The following NRXN3 variants were observed in gnomAD, a reference collection of about 807,000 sequenced individuals.
NRXN3 encodes neurexin III.
NRXN3 carries 32 observed loss-of-function variants against 137.6 expected under a neutral mutation model. The ratio of observed to expected loss-of-function variants is 0.23; its 90% CI spans 0.18 to 0.31. NRXN3 has a LOEUF of 0.31. Among genes scored for constraint, NRXN3 ranks in the 10% least tolerant of loss-of-function variants. The pLI, the probability that NRXN3 is intolerant of heterozygous loss-of-function variation, is 1.00. For missense variants in NRXN3, 1,574 were observed against 2,062.5 expected (o/e 0.76, Z 4.59); for synonymous variants, 798 against 784.5 (o/e 1.02, Z -0.29).
intron 15 of NRXN3, among the ~76,000 whole-genome samples, chr14:79,303,800 A>G (rs1226851761): frequency 6.6e-6 from 1 of 152,078 alleles, no homozygotes; most frequent in Non-Finnish European, 1.5e-5. Flanking sequence ...TACAAAAGGC[A>G]AAGAGGGCTG....
chr14:79,074,538 CT>C (rs1219873611), intron 15 of NRXN3: 5 of 152,188 alleles, frequency 3.3e-5, no homozygotes, highest in African/African-American at 1.2e-4. Context: ...GAGGCTTCTC[CT>C]TTACTTACCA....
intron 4 of NRXN3, among the ~76,000 whole-genome samples, chr14:78,435,377 T>G (rs906918837): frequency 1.3e-5 from 2 of 152,156 alleles, no homozygotes; most frequent in African/African-American, 4.8e-5. Flanking sequence ...GATTGTTACC[T>G]TCATTTCACA....
intron 16 of NRXN3, among the ~76,000 whole-genome samples, chr14:79,560,504 C>CTTTTTT (rs34025659): frequency 0.016 from 706 of 43,738 alleles, 165 homozygotes; most frequent in African/African-American, 0.046. Context: ...AGATTGTAAG[C>CTTTTTT]TTTTTTTTTT....
chr14:79,604,018 G>A (rs775000312), intron 16 of NRXN3, among the ~76,000 whole-genome samples: 1 of 151,982 alleles, frequency 6.6e-6, no homozygotes, highest in African/African-American at 2.4e-5. Context: ...CTCCCGAGTG[G>A]CTGGAATTAC....
chr14:78,643,995 G>C (rs1381813410), intron 4 of NRXN3, among the ~76,000 whole-genome samples: 1 of 152,008 alleles, frequency 6.6e-6, no homozygotes, highest in African/African-American at 2.4e-5. Flanking sequence ...ACAAAAGTTA[G>C]TCGGGCGTGT....
intron 15 of NRXN3, among the ~76,000 whole-genome samples, chr14:79,412,731 C>CGA (rs1265709713): frequency 3.0e-5 from 4 of 132,288 alleles, no homozygotes; most frequent in African/African-American, 1.1e-4. Context: ...TGTAATGAGC[C>CGA]GAGATCACAC....
intron 4 of NRXN3, among the ~76,000 whole-genome samples, chr14:78,502,209 G>A (rs1022791125): frequency 1.3e-5 from 2 of 152,158 alleles, no homozygotes; most frequent in Non-Finnish European, 2.9e-5. Flanking sequence ...CACGTGAACA[G>A]TATTTCCCAG....
chr14:79,617,786 G>A (rs904896641), intron 16 of NRXN3, among the ~76,000 whole-genome samples: 3 of 152,042 alleles, frequency 2.0e-5, no homozygotes, highest in African/African-American at 4.8e-5. Context: ...TGTTTACTGA[G>A]TGCAGGTTAG....
chr14:78,839,613 G>A (rs995659559), intron 10 of NRXN3, among the ~76,000 whole-genome samples: 33 of 152,168 alleles, frequency 2.2e-4, no homozygotes, highest in African/African-American at 7.2e-4. Context: ...CTCTTCGAGT[G>A]AGATAAGGGA....
At chr14:78,760,034 C>CTTT (rs61320632) in intron 8 of NRXN3, among the ~76,000 whole-genome samples, 1,247 of 86,636 alleles carry the variant, frequency 0.014, 59 homozygotes, top group African/African-American at 0.045. Flanking sequence ...AGCCTGCAGT[C>CTTT]TTTTTTTTTT....
Position 79,862,977 on chromosome 14 carries a change from G to A in NRXN3, c.*1013G>A, listed in dbSNP as rs974674445. 1 of 152,570 alleles carries A rather than the reference G, an allele frequency of 6.6e-6. No homozygotes were observed. The highest frequency in any genetic ancestry group is 1.5e-5 in the Non-Finnish European group (1 of 68,038). The allele number at this position is 152,570 out of a possible 1,614,324, so 9.5% of individuals were successfully genotyped here. ...AGCCTTTCCTAGGGAAGAGGAAGGG[G>A]AGGTGGGCTGGATCTGTGACTGATT... On this transcript the variant is annotated 3_prime_UTR_variant, in exon 21 of 21. Transcript: ENST00000335750.
chr14:79,847,770 A>G (rs1223246317), intron 20 of NRXN3, among the ~76,000 whole-genome samples: 2 of 152,196 alleles, frequency 1.3e-5, no homozygotes, highest in Non-Finnish European at 2.9e-5. Context: ...TAAGATGAGG[A>G]CATAAAGGAA....
In NRXN3 at chr14:79,759,988, A is replaced by G. The variant is rs371187214; in HGVS notation, c.4015-45124A>G. ...ATTCTGTGTTACATGACTAAGATGC[A>G]TATTAGAACTCAGGCAAGATGATTC... On this transcript the variant is annotated intron_variant, in intron 19 of 20. Coordinates refer to ENST00000335750, the MANE Select transcript of NRXN3 (RefSeq NM_001330195.2). Among the ~76,000 whole-genome samples, 715 of 151,868 alleles carry G rather than the reference A, an allele frequency of 4.7e-3. 41 individuals are homozygous for G. In the South Asian group the frequency reaches 0.13, roughly 28 times the overall value.
At chr14:79,717,650 G>A (rs1029980563) in intron 19 of NRXN3, among the ~76,000 whole-genome samples, 2 of 152,104 alleles carry the variant, frequency 1.3e-5, no homozygotes, top group African/African-American at 4.8e-5. Context: ...ATAATGCTCC[G>A]TGGGCTCTTT....
chr14:78,695,957 T>C (rs563774526), intron 6 of NRXN3, among the ~76,000 whole-genome samples: 32 of 152,166 alleles, frequency 2.1e-4, no homozygotes, highest in African/African-American at 7.0e-4. Context: ...TCATGTCTTT[T>C]CCACCTCTTT....
At chr14:79,700,357 T>C (rs2098750390) in intron 19 of NRXN3, among the ~76,000 whole-genome samples, 1 of 152,038 alleles carries the variant, frequency 6.6e-6, no homozygotes, top group African/African-American at 2.4e-5. Context: ...GATTTCATAT[T>C]CACCGGGCCC....
intron 4 of NRXN3, among the ~76,000 whole-genome samples, chr14:78,492,083 A>T (rs1053877282): frequency 6.6e-6 from 1 of 152,174 alleles, no homozygotes; most frequent in East Asian, 1.9e-4. Flanking sequence ...ATAAATAATA[A>T]TAACCTTTTA....
At chr14:78,392,853 G>A (rs1328743619) in intron 4 of NRXN3, among the ~76,000 whole-genome samples, 6 of 152,074 alleles carry the variant, frequency 3.9e-5, no homozygotes, top group East Asian at 1.9e-4. Flanking sequence ...TTAGTTGGTT[G>A]GATAAATTTT....
chr14:78,315,129 A>C (rs1271240236), intron 4 of NRXN3, among the ~76,000 whole-genome samples: 1 of 151,638 alleles, frequency 6.6e-6, no homozygotes, highest in Non-Finnish European at 1.5e-5. Context: ...CTTCTGCCTC[A>C]GCCTCCTGAG....
Sources: allele counts gnomAD v4.1 joint callset (sites outside exome capture counted in the v4.1 genomes callset), GRCh38; gene constraint gnomAD v4.1.1; transcripts MANE v1.5; gene names NCBI Gene and HGNC (gene_info 2026-07-23, HGNC 2026-07-21).